BMPR1B: variants seen among roughly 807,000 people sequenced by gnomAD.
BMPR1B encodes bone morphogenetic protein receptor type-1B.
In BMPR1B, 12 loss-of-function variants were observed where a neutral mutation model predicts 59.1. The observed-to-expected ratio is 0.20, with a 90% CI of 0.13 to 0.33. The LOEUF is 0.33. BMPR1B is among the 10% of genes least tolerant of loss of function. BMPR1B has a pLI of 1.00. For synonymous variants in BMPR1B, 237 were observed against 207.3 expected (o/e 1.14, Z -1.23); for missense variants, 550 against 610.9 (o/e 0.90, Z 1.05).
intron 1 of BMPR1B, among the ~76,000 whole-genome samples, chr4:94,798,684 A>C (rs1421132949): frequency 1.3e-5 from 2 of 152,210 alleles, no homozygotes; most frequent in African/African-American, 2.4e-5. Flanking sequence ...TCTGCCAGTC[A>C]GGCAGAGGTG....
At chr4:95,080,765 A>C (rs1729077550) in intron 3 of BMPR1B, among the ~76,000 whole-genome samples, 1 of 152,194 alleles carries the variant, frequency 6.6e-6, no homozygotes, top group Non-Finnish European at 1.5e-5. Context: ...CAAACCAACC[A>C]ACCAAAGAAA....
chr4:95,084,553 G>T (rs1482739547), intron 3 of BMPR1B, among the ~76,000 whole-genome samples: 6 of 151,996 alleles, frequency 3.9e-5, no homozygotes, highest in Non-Finnish European at 5.9e-5. Flanking sequence ...GTAGTGTTTT[G>T]GAATATTTTG....
intron 1 of BMPR1B, among the ~76,000 whole-genome samples, chr4:94,855,382 G>A (rs1725716424): frequency 6.6e-6 from 1 of 152,094 alleles, no homozygotes; most frequent in Non-Finnish European, 1.5e-5. Context: ...AGTAGAGCCT[G>A]GACTTAAACT....
chr4:95,079,588 A>G (rs1728967196), intron 3 of BMPR1B, among the ~76,000 whole-genome samples: 1 of 152,130 alleles, frequency 6.6e-6, no homozygotes, highest in Non-Finnish European at 1.5e-5. Flanking sequence ...GATTTTTCCT[A>G]ATTTAGAATT....
At chr4:95,103,617 C>A in intron 3 of BMPR1B, 1 of 427,794 alleles carries the variant, frequency 2.3e-6, no homozygotes, top group Non-Finnish European at 3.1e-6. Context: ...AGGATAAGAA[C>A]ATGAGTCACA....
intron 3 of BMPR1B, among the ~76,000 whole-genome samples, chr4:95,092,154 G>T (rs1234506870): frequency 3.3e-5 from 5 of 152,052 alleles, no homozygotes; most frequent in Non-Finnish European, 7.4e-5. Flanking sequence ...TAAATGTAAT[G>T]ATTTAGATGT....
At chr4:94,909,424 G>C (rs1293349660) in intron 2 of BMPR1B, among the ~76,000 whole-genome samples, 1 of 151,896 alleles carries the variant, frequency 6.6e-6, no homozygotes, top group African/African-American at 2.4e-5. Flanking sequence ...GTATGTGGCC[G>C]TGGGTAAGGT....
At chr4:94,920,786 G>C (rs1728659899) in intron 2 of BMPR1B, among the ~76,000 whole-genome samples, 2 of 152,090 alleles carry the variant, frequency 1.3e-5, no homozygotes, top group Admixed American at 6.5e-5. Flanking sequence ...ATCACAAATA[G>C]CTACATAATT....
rs1260652488 is a variant in BMPR1B at position 95,129,898 on chromosome 4, A to G, written c.622A>G (p.Lys208Glu). 1.2e-6 allele frequency: 2 copies of G among 1,613,796 alleles called. No homozygotes were observed. Among genetic ancestry groups the G allele is most frequent in the South Asian group, 1.1e-5 (1 of 91,074 alleles). ...RTIAKQIQMV[K>E]QIGKGRYGEV... ...TATAGCTAAGCAGATTCAGATGGTG[A>G]AACAGATTGGAAAAGGTCGCTATGG... Residue 208 changes from lysine to glutamate, a missense_variant, in exon 9 of 13, where the codon AAA (lysine) becomes GAA (glutamate). Physicochemically the swap from Lys to Glu is moderately conservative, Grantham distance 56. Transcript: ENST00000515059.
At chr4:95,022,334 TC>T (rs1724049944) in intron 3 of BMPR1B, among the ~76,000 whole-genome samples, 1 of 152,224 alleles carries the variant, frequency 6.6e-6, no homozygotes, top group African/African-American at 2.4e-5. Context: ...AGGTAAGTGT[TC>T]CAAATCAGAT....
intron 1 of BMPR1B, among the ~76,000 whole-genome samples, chr4:94,816,754 G>A (rs1366555832): frequency 1.3e-5 from 2 of 152,052 alleles, no homozygotes; most frequent in Non-Finnish European, 2.9e-5. Context: ...AACTTAGAAG[G>A]CAGTACTATG....
chr4:94,766,438 T>C (rs1458340514), intron 1 of BMPR1B, among the ~76,000 whole-genome samples: 3 of 151,584 alleles, frequency 2.0e-5, no homozygotes, highest in Non-Finnish European at 4.4e-5. Flanking sequence ...ACTCTTTTTC[T>C]TTTTAAAGAT....
intron 3 of BMPR1B, among the ~76,000 whole-genome samples, chr4:95,051,122 ATTCAC>A (rs1316921489): frequency 2.0e-5 from 3 of 152,146 alleles, no homozygotes; most frequent in Non-Finnish European, 2.9e-5. Context: ...ATTCAAGGGT[ATTCAC>A]TTCATTATTT....
At chr4:94,981,257 G>A (rs1028799693) in intron 2 of BMPR1B, among the ~76,000 whole-genome samples, 11 of 151,324 alleles carry the variant, frequency 7.3e-5, no homozygotes, top group African/African-American at 2.7e-4. Flanking sequence ...AGTTTGGAGT[G>A]CAGTGGCGCA....
intron 3 of BMPR1B, among the ~76,000 whole-genome samples, chr4:95,042,636 C>T (rs1725739296): frequency 1.3e-5 from 2 of 152,164 alleles, no homozygotes. Flanking sequence ...ATGTTAAGTA[C>T]ACACGTAGTG....
rs35240290 is a variant in BMPR1B at position 94,849,802 on chromosome 4, G to GTT, written c.-182-26028_-182-26027insTT. Among the ~76,000 whole-genome samples the GTT allele has an allele frequency of 4.5e-3, 674 of 151,236 alleles. 5 individuals carry two copies. The highest frequency in any genetic ancestry group is 0.015 in the African/African-American group (635 of 41,118). The stretch of plus-strand genomic sequence containing the variant: ...GTAGGAGGGGTTTTTTGGTGTGTGT[G>GTT]TGTGTGTGTGTGTGTGTGTTTTAGT... On this transcript the variant is annotated intron_variant, in intron 1 of 12. Coordinates refer to ENST00000515059, the MANE Select transcript of BMPR1B (RefSeq NM_001203.3).
intron 2 of BMPR1B, among the ~76,000 whole-genome samples, chr4:94,883,965 T>C (rs1287460069): frequency 6.6e-6 from 1 of 152,202 alleles, no homozygotes; most frequent in Admixed American, 6.5e-5. Flanking sequence ...TTGTCAACTT[T>C]TAGTCATTTT....
intron 2 of BMPR1B, among the ~76,000 whole-genome samples, chr4:94,990,232 T>C (rs917217655): frequency 6.6e-6 from 1 of 152,014 alleles, no homozygotes; most frequent in Non-Finnish European, 1.5e-5. Flanking sequence ...GGCAGGCGCC[T>C]GTATCCCAGC....
intron 1 of BMPR1B, among the ~76,000 whole-genome samples, chr4:94,797,654 G>A (rs1346546739): frequency 6.6e-6 from 1 of 152,170 alleles, no homozygotes; most frequent in Non-Finnish European, 1.5e-5. Flanking sequence ...AAATAACAAG[G>A]CTCCCCTGAT....
Sources: gnomAD v4.1 joint callset for allele counts (sites outside exome capture counted in the v4.1 genomes callset) on GRCh38, gnomAD v4.1.1 for gene constraint, MANE v1.5 for transcripts, NCBI Gene and HGNC (gene_info 2026-07-23, HGNC 2026-07-21) for gene names.